CMTR1: variants seen among roughly 807,000 people sequenced by gnomAD.
CMTR1 encodes the protein cap-specific mRNA (nucleoside-2'-O-)-methyltransferase 1.
A neutral mutation model predicts 107.0 loss-of-function variants in CMTR1; 39 were observed. The observed-to-expected ratio is 0.36, with a 90% CI of 0.28 to 0.48. The LOEUF (loss-of-function observed/expected upper bound fraction) is 0.48. CMTR1 is among the 20% of genes least tolerant of loss of function. The pLI is 0.99. For synonymous variants in CMTR1, 366 were observed against 379.5 expected, an observed-to-expected ratio of 0.96 and a Z score of 0.41; for missense variants, 672 against 1,064.9, an observed-to-expected ratio of 0.63 and a Z score of 5.14.
chr6:37,467,024 G>A (rs963991978), intron 13 of CMTR1, among the ~76,000 whole-genome samples: 1 of 152,026 alleles, frequency 6.6e-6, no homozygotes, highest in African/African-American at 2.4e-5. Context: ...ACAAAAATTA[G>A]CTGGGCATGG....
At chr6:37,477,776 C>A in intron 21 of CMTR1, 137 bp downstream of exon 21, 2 of 733,224 alleles carry the variant, frequency 2.7e-6, no homozygotes, top group Non-Finnish European at 2.5e-6. Flanking sequence ...CTCACCTCAT[C>A]TGCCTCGCTG....
the CMTR1 span, among the ~76,000 whole-genome samples, chr6:37,425,407 G>A: frequency 2.4e-4 from 35 of 148,190 alleles, no homozygotes; most frequent in South Asian, 5.6e-3. Flanking sequence ...AACAATTCTC[G>A]TGCCTCAGCC....
rs1347395594 is a variant in CMTR1 at position 37,473,607 on chromosome 6, TC to T, written c.1821+7del. The T allele has an allele frequency of 6.2e-7, 1 of 1,612,432 alleles. No individual in the cohort carries two copies. Among genetic ancestry groups the T allele is most frequent in the Non-Finnish European group, 8.5e-7 (1 of 1,179,140 alleles). On this transcript the variant is annotated splice_region_variant and intron_variant, in intron 17 of 23. Transcript: ENST00000373451. ...AGTTCCTCATCGGCCTGGGGGTAAGTCTGCAGCTGGCTTCCTGCCCAGCTTG... is the reference window on the plus strand; with the variant it reads ...AGTTCCTCATCGGCCTGGGGGTAAGTTGCAGCTGGCTTCCTGCCCAGCTTG...
chr6:37,473,333 G>A, intron 16 of CMTR1, 137 bp from the exon 17 acceptor site: 2 of 859,790 alleles, frequency 2.3e-6, no homozygotes, highest in Non-Finnish European at 3.6e-6. Flanking sequence ...AGGTAGAGAA[G>A]GGGGTGCAGG....
intron 22 of CMTR1, among the ~76,000 whole-genome samples, chr6:37,478,903 G>A (rs910889419): frequency 6.6e-6 from 1 of 152,222 alleles, no homozygotes; most frequent in Non-Finnish European, 1.5e-5. Flanking sequence ...CAGAGTCCTA[G>A]AGATGTTACC....
At chr6:37,450,164 T>C in intron 4 of CMTR1, 87 bp from the exon 5 acceptor site, 1 of 1,146,634 alleles carries the variant, frequency 8.7e-7, no homozygotes, top group African/African-American at 1.5e-5. Flanking sequence ...CAGTCCCTTT[T>C]GATTGTTTTG....
chr6:37,456,443 A>G (rs1761295555), intron 8 of CMTR1, among the ~76,000 whole-genome samples: 2 of 152,332 alleles, frequency 1.3e-5, no homozygotes, highest in African/African-American at 2.4e-5. Context: ...ATTTATTTTT[A>G]GCTAAAGTCA....
At position 37,445,409 on chromosome 6, in the gene CMTR1, TG is replaced by T. The variant is rs1771761329; in HGVS notation, c.286-881del. ...TGGGCCCAGTAACTCTAAAGTTTAGTGAGAACTTACAGATAGTTGTGGCATT... is the reference window on the plus strand; with the variant it reads ...TGGGCCCAGTAACTCTAAAGTTTAGTAGAACTTACAGATAGTTGTGGCATT... On this transcript the variant is annotated intron_variant, in intron 3 of 23. Transcript: ENST00000373451. Among the ~76,000 whole-genome samples, 4 of 151,754 alleles carry T rather than the reference TG, an allele frequency of 2.6e-5. No individual in the cohort carries two copies. The South Asian group carries it at 8.3e-4, about 32-fold the overall frequency.
chr6:37,449,026 G>T (rs943730719), intron 4 of CMTR1, among the ~76,000 whole-genome samples: 2 of 151,984 alleles, frequency 1.3e-5, no homozygotes, highest in African/African-American at 4.8e-5. Context: ...CTGCAACTTT[G>T]AAATCCTGGG....
chr6:37,466,006 AT>A (rs1407829822), intron 13 of CMTR1, among the ~76,000 whole-genome samples: 1 of 149,046 alleles, frequency 6.7e-6, no homozygotes, highest in Admixed American at 6.7e-5. Context: ...CAATTTACCA[AT>A]TTTTTTCTTT....
chr6:37,454,789 A>C (rs536243258), intron 8 of CMTR1, among the ~76,000 whole-genome samples: 2 of 152,330 alleles, frequency 1.3e-5, no homozygotes, highest in South Asian at 4.1e-4. Flanking sequence ...ACTATAAAAA[A>C]AGTGATTTCT....
intron 17 of CMTR1, among the ~76,000 whole-genome samples, chr6:37,474,083 A>G (rs555844796): frequency 4.0e-5 from 6 of 151,728 alleles, no homozygotes; most frequent in Non-Finnish European, 8.8e-5. Context: ...TTTTCTTTCA[A>G]CTCTTGACTT....
At position 37,435,564 on chromosome 6, in the gene CMTR1, TGCTGTGATCCCAGTG is replaced by T. The variant is rs1562114472; in HGVS notation, c.-6-52_-6-38del. ...TTGATGATTTACACTTTGGAATCCC[TGCTGTGATCCCAGTG>T]GCTGTGACCCAAGGGCAGCTGACTG... On this transcript the variant is annotated intron_variant, in intron 1 of 23. Coordinates refer to ENST00000373451, the MANE Select transcript of CMTR1 (RefSeq NM_015050.3). The T allele has an allele frequency of 9.1e-6, 14 of 1,541,888 alleles. 1 individual carries two copies. Among genetic ancestry groups the T allele is most frequent in the Non-Finnish European group, 8.7e-6 (10 of 1,148,128 alleles).
intron 8 of CMTR1, among the ~76,000 whole-genome samples, chr6:37,457,467 A>G (rs1018353428): frequency 8.5e-5 from 13 of 152,076 alleles, no homozygotes; most frequent in African/African-American, 3.1e-4. Context: ...AGGGAGTGCA[A>G]AAAGGAGAGA....
Position 37,469,514 on chromosome 6 carries a change from T to G in CMTR1, c.1506-1507T>G, listed in dbSNP as rs2935900. On this transcript the variant is annotated intron_variant, in intron 13 of 23. Coordinates refer to ENST00000373451, the MANE Select transcript of CMTR1 (RefSeq NM_015050.3). ...TGGCCATTAGTTTGTCAATATGTTGTTTTATCCTTTTTTTTTTTTTTTTTT... is the reference window on the plus strand; with the variant it reads ...TGGCCATTAGTTTGTCAATATGTTGGTTTATCCTTTTTTTTTTTTTTTTTT... Among the ~76,000 whole-genome samples the G allele has an allele frequency of 8.9e-3, 1,295 of 146,174 alleles. 22 individuals carry two copies. The highest frequency in any genetic ancestry group is 0.031 in the African/African-American group (1,253 of 39,784).
chr6:37,478,538 T>A lies in CMTR1; in HGVS notation c.2266+17T>A. ...CAGTGAATGGTGGGTGAGGAGGGACTGTTCCCGCCATCCCCTCCCCTCTCC... is the reference window on the plus strand; with the variant it reads ...CAGTGAATGGTGGGTGAGGAGGGACAGTTCCCGCCATCCCCTCCCCTCTCC... On this transcript the variant is annotated intron_variant, in intron 22 of 23. Transcript: ENST00000373451. 6.3e-7 allele frequency: 1 copy of A among 1,591,034 alleles called. No homozygotes were observed. Among genetic ancestry groups the A allele is most frequent in the Non-Finnish European group, 8.6e-7 (1 of 1,159,124 alleles).
Position 37,462,153 on chromosome 6 carries a change from C to G in CMTR1, c.1325+51C>G, listed in dbSNP as rs114379651. On this transcript the variant is annotated intron_variant, in intron 12 of 23. Transcript: ENST00000373451. ...CAGATTAATTGGCTAAATGTCAGAA[C>G]AGCAAATCATGGTGCATCTCTCTGG... 4,287 of 1,604,412 alleles carry G rather than the reference C, an allele frequency of 2.7e-3. 101 individuals carry two copies. The African/African-American group carries it at 0.05, about 19-fold the overall frequency.
chr6:37,480,527 C>G lies in CMTR1; in HGVS notation c.*382C>G. 1 of 1,083,546 alleles carries G rather than the reference C, an allele frequency of 9.2e-7. No homozygotes were observed. The highest frequency in any genetic ancestry group is 1.1e-6 in the Non-Finnish European group (1 of 892,290). 67.1% of individuals were successfully genotyped at this position (1,083,546 alleles called of 1,614,324 possible). A position where few individuals can be genotyped will look rare whatever the true frequency, so the allele number is the denominator to read the frequency against. ...GACTCACTTTTCTGAGTTCCATGCACTGCCCTGAGGGTAGCCATGCCCTTG... is the reference window on the plus strand; with the variant it reads ...GACTCACTTTTCTGAGTTCCATGCAGTGCCCTGAGGGTAGCCATGCCCTTG... On this transcript the variant is annotated 3_prime_UTR_variant, in exon 24 of 24. Transcript: ENST00000373451.
intron 16 of CMTR1, 22 bp from the exon 17 acceptor site, chr6:37,473,448 T>C: frequency 1.9e-6 from 3 of 1,608,838 alleles, no homozygotes; most frequent in Non-Finnish European, 2.5e-6. Context: ...CCGGCAGTGT[T>C]TTCTCTGACT....
Sources: gnomAD v4.1 joint callset for allele counts (sites outside exome capture counted in the v4.1 genomes callset) on GRCh38, gnomAD v4.1.1 for gene constraint, MANE v1.5 for transcripts, NCBI Gene and HGNC (gene_info 2026-07-23, HGNC 2026-07-21) for gene names.